Variants in NIBAN2 observed in about 807,000 individuals in gnomAD.
NIBAN2 encodes the protein niban apoptosis regulator 2.
A neutral mutation model predicts 81.8 loss-of-function variants in NIBAN2; 36 were observed. The observed-to-expected ratio is 0.44, with a 90% CI of 0.34 to 0.58. The LOEUF (loss-of-function observed/expected upper bound fraction) is 0.58, where lower values mean the gene tolerates loss of function less well. Among genes scored for constraint, NIBAN2 ranks in the 20% least tolerant of loss-of-function variants. The pLI is 0.02. For missense variants in NIBAN2, 897 were observed against 1,014.1 expected (o/e 0.88, Z 1.57); for synonymous variants, 445 against 441.6 (o/e 1.01, Z -0.10).
intron 8 of NIBAN2, among the ~76,000 whole-genome samples, chr9:127,512,825 AAACT>A (rs1836761596): frequency 6.6e-6 from 1 of 152,172 alleles, no homozygotes; most frequent in African/African-American, 2.4e-5. Context: ...GTTCCTCAAA[AAACT>A]AATAGAGCTA....
intron 1 of NIBAN2, among the ~76,000 whole-genome samples, chr9:127,575,679 G>A (rs1306149016): frequency 5.9e-5 from 9 of 151,850 alleles, no homozygotes; most frequent in Admixed American, 3.9e-4. Context: ...ACAGGCACCC[G>A]CCACTATGCC....
chr9:127,572,922 C>T (rs1837965022), upstream of NIBAN2, among the ~76,000 whole-genome samples: 1 of 151,978 alleles, frequency 6.6e-6, no homozygotes, highest in Non-Finnish European at 1.5e-5. Flanking sequence ...GTGGTGCATG[C>T]TTGTAGTCCC....
At chr9:127,513,662 T>C (rs764222790) in intron 8 of NIBAN2, among the ~76,000 whole-genome samples, 3 of 152,228 alleles carry the variant, frequency 2.0e-5, no homozygotes, top group Non-Finnish European at 2.9e-5. Context: ...CTATATGCTC[T>C]ATCTAAAAAG....
At chr9:127,529,733 T>C (rs896075175) in intron 2 of NIBAN2, among the ~76,000 whole-genome samples, 1 of 152,248 alleles carries the variant, frequency 6.6e-6, no homozygotes, top group Non-Finnish European at 1.5e-5. Context: ...TTATTTGTAT[T>C]CTATTATTGT....
chr9:127,520,560 T>G (rs2254622), intron 5 of NIBAN2, among the ~76,000 whole-genome samples: 123,252 of 152,066 alleles, frequency 0.81, 50,443 homozygotes, highest in African/African-American at 0.85. Flanking sequence ...TCTTAAAGAA[T>G]TAAGTTAAAC....
chr9:127,510,462 A>T, intron 8 of NIBAN2, 129 bp from the exon 9 acceptor site: 1 of 570,736 alleles, frequency 1.8e-6, no homozygotes, highest in Non-Finnish European at 2.6e-6. Context: ...TTTGAGACGG[A>T]GTCTCGCTCT....
Position 127,507,136 on chromosome 9 carries a change from G to T in NIBAN2, c.1950C>A (p.Val650=). The change falls in exon 14 of 14, where the codon GTC becomes GTA. Residue 650 remains valine, a synonymous_variant. Coordinates refer to ENST00000373312, the MANE Select transcript of NIBAN2 (RefSeq NM_022833.4). The surrounding 1 kb of genome is among the most constrained non-coding windows in gnomAD (Gnocchi z 6.8). ...GGGCCAGCAGGCCTCGGATCTCAGT[G>T]ACACCGTCCGGGGACGCAGGTGGTG... The part of the protein sequence containing the change: ...ESPPPASPDG[V]TEIRGLLAQG... The T allele has an allele frequency of 6.2e-7, 1 of 1,601,346 alleles. No individual in the cohort carries two copies.
At chr9:127,524,999 C>T (rs969851088) in intron 4 of NIBAN2, 59 bp downstream of exon 4, 2 of 1,374,898 alleles carry the variant, frequency 1.5e-6, no homozygotes, top group Non-Finnish European at 2.1e-6. Context: ...CCACCCCTCC[C>T]CTGGCCAGCT....
rs774322928 is a variant in NIBAN2, at chr9:127,506,807, C to T, written c.*38G>A. On this transcript the variant is annotated 3_prime_UTR_variant, in exon 14 of 14. Transcript: ENST00000373312. Reference sequence around the variant, plus strand: ...GAGCCTGCCTGGGTCCGGAAGGGAACGGCCTGTGCCATGTGCAGCAGTCAG... The same window carrying T: ...GAGCCTGCCTGGGTCCGGAAGGGAATGGCCTGTGCCATGTGCAGCAGTCAG... The T allele has an allele frequency of 1.5e-5, 23 of 1,533,736 alleles. No individual in the cohort carries two copies. Among genetic ancestry groups the T allele is most frequent in the Middle Eastern group, 2.0e-4 (1 of 4,896 alleles).
chr9:127,548,284 C>T (rs1037991321), intron 1 of NIBAN2, among the ~76,000 whole-genome samples: 4 of 152,222 alleles, frequency 2.6e-5, no homozygotes, highest in East Asian at 3.8e-4. Flanking sequence ...AACACCCAAA[C>T]GTACCGCACC....
chr9:127,506,764 G>T lies in NIBAN2; in HGVS notation c.*81C>A. ...CCTCCACCCACAAGGCACAGACCAG[G>T]GTGCCCTCCCCAGAGCTGAGCCTGC... is the stretch of plus-strand genomic sequence containing the variant. On this transcript the variant is annotated 3_prime_UTR_variant, in exon 14 of 14. Transcript: ENST00000373312. 2 of 1,339,518 alleles carry T rather than the reference G, an allele frequency of 1.5e-6. No individual in the cohort carries two copies. The highest frequency in any genetic ancestry group is 2.0e-6 in the Non-Finnish European group (2 of 980,244). 83.0% of individuals were successfully genotyped at this position (1,339,518 alleles called of 1,614,324 possible).
intron 1 of NIBAN2, among the ~76,000 whole-genome samples, chr9:127,547,006 GA>G (rs1837484024): frequency 6.6e-6 from 1 of 151,312 alleles, no homozygotes; most frequent in South Asian, 2.1e-4. Context: ...GTGCCAAGCA[GA>G]AGACCCGAGA....
At chr9:127,566,581 C>T (rs1241026227) in intron 1 of NIBAN2, among the ~76,000 whole-genome samples, 1 of 152,282 alleles carries the variant, frequency 6.6e-6, no homozygotes, top group Admixed American at 6.5e-5. Context: ...TGCTCACCTG[C>T]TTGGGGCGGG....
intron 2 of NIBAN2, among the ~76,000 whole-genome samples, chr9:127,529,192 G>A (rs1260684687): frequency 6.6e-6 from 1 of 152,174 alleles, no homozygotes; most frequent in African/African-American, 2.4e-5. Context: ...TCAGATAACT[G>A]GAACTCCTGT....
chr9:127,548,884 A>G (rs996394087), intron 1 of NIBAN2, among the ~76,000 whole-genome samples: 1 of 152,214 alleles, frequency 6.6e-6, no homozygotes, highest in South Asian at 2.1e-4. Context: ...TTCTCAAGTC[A>G]TCCACAGAAG....
rs938960666 is a variant in NIBAN2 at position 127,563,746 on chromosome 9, C to T, written c.55+5074G>A. The stretch of plus-strand genomic sequence containing the variant: ...TGCCAGGCTGGTCTCAAACTCTTGA[C>T]CTCAGGTGATCTGCCTGCCTGTCTC... On this transcript the variant is annotated intron_variant, in intron 1 of 13. Coordinates refer to ENST00000373312, the MANE Select transcript of NIBAN2 (RefSeq NM_022833.4). This position sits in a 1 kb window ranked among gnomAD's most constrained non-coding sequence, Gnocchi z 4.1. Among the ~76,000 whole-genome samples, 5 of 152,130 alleles carry T rather than the reference C, an allele frequency of 3.3e-5. No individual in the cohort carries two copies. The highest frequency in any genetic ancestry group is 1.2e-4 in the African/African-American group (5 of 41,440).
At chr9:127,528,644 TCTTCCTACCGGGTATAAAAATATTTA>T (rs1231800558) in intron 2 of NIBAN2, among the ~76,000 whole-genome samples, 1 of 152,116 alleles carries the variant, frequency 6.6e-6, no homozygotes, top group Non-Finnish European at 1.5e-5. Flanking sequence ...CCTGCAGGCT[TCTTCCTACCGGGTATAAAAATATTTA>T]CAGGAAAAGA....
At chr9:127,524,416 G>A (rs1447031464) in intron 4 of NIBAN2, among the ~76,000 whole-genome samples, 5 of 152,222 alleles carry the variant, frequency 3.3e-5, no homozygotes, top group Admixed American at 6.5e-5. Flanking sequence ...CCCTGGCTCT[G>A]GGTTGGCCTG....
Position 127,517,088 on chromosome 9 carries a change from C to T in NIBAN2, c.810+24G>A. ...GCACCAGCTGCAGGTCCCGTCCCCG[C>T]TCCAGGGCCCCAGGCCCACCCACCT... On this transcript the variant is annotated intron_variant, in intron 7 of 13. Coordinates refer to ENST00000373312, the MANE Select transcript of NIBAN2 (RefSeq NM_022833.4). The surrounding 1 kb of genome is among the most constrained non-coding windows in gnomAD (Gnocchi z 4.0). 6.2e-7 allele frequency: 1 copy of T among 1,611,864 alleles called. No homozygotes were observed.
Sources: gnomAD v4.1 joint callset for allele counts (sites outside exome capture counted in the v4.1 genomes callset) on GRCh38, gnomAD v4.1.1 for gene constraint, Gnocchi (gnomAD v3.1) non-coding constraint, MANE v1.5 for transcripts, NCBI Gene and HGNC (gene_info 2026-07-23, HGNC 2026-07-21) for gene names.